Variants in PACS1 observed in about 807,000 individuals in gnomAD.
The protein encoded by PACS1 is phosphofurin acidic cluster sorting protein 1, also known as PACS-1.
Under a neutral mutation model 115.0 loss-of-function variants are expected in PACS1, and 24 were observed. The ratio of observed to expected loss-of-function variants is 0.21; its 90% CI spans 0.15 to 0.29. PACS1 has a LOEUF of 0.29. PACS1 is among the 10% of genes least tolerant of loss of function. PACS1 has a pLI of 1.00. For synonymous variants in PACS1, 453 were observed against 504.5 expected (o/e 0.90, Z 1.37); for missense variants, 838 against 1,251.2 (o/e 0.67, Z 4.98).
At chr11:66,232,010 C>T (rs1855606516) in intron 13 of PACS1, 162 bp from the exon 14 acceptor site, 13 of 584,290 alleles carry the variant, frequency 2.2e-5, no homozygotes, top group Non-Finnish European at 3.7e-5. Flanking sequence ...TCCTTTCCAT[C>T]GTGGTCTGGC....
At chr11:66,077,573 G>A (rs1360619453) in intron 1 of PACS1, among the ~76,000 whole-genome samples, 1 of 152,136 alleles carries the variant, frequency 6.6e-6, no homozygotes, top group Non-Finnish European at 1.5e-5. Context: ...ACAAAAATGG[G>A]TGAATAGAGA....
Position 66,230,843 on chromosome 11 carries a change from G to C in PACS1, c.1529G>C (p.Ser510Thr). The C allele has an allele frequency of 6.2e-7, 1 of 1,614,206 alleles. No homozygotes were observed. The highest frequency in any genetic ancestry group is 8.5e-7 in the Non-Finnish European group (1 of 1,180,024). The change falls in exon 13 of 24, where the codon AGC becomes ACC. Residue 510 changes from serine (S) to threonine (T), a missense_variant. Around this residue, in one of 6 missense-constraint regions of PACS1, gnomAD observed 383 missense variants for 537.0 expected, o/e 0.71. Transcript: ENST00000320580. ...GTGCACACACCCCGGCAGAAGAGGA[G>C]CACGCCCCTGAAGGAGCGGCAGCTC... is the stretch of plus-strand genomic sequence containing the variant. ...EGVHTPRQKR[S>T]TPLKERQLSK...
chr11:66,194,491 G>A (rs1419630118), intron 2 of PACS1, among the ~76,000 whole-genome samples: 1 of 152,186 alleles, frequency 6.6e-6, no homozygotes, highest in Non-Finnish European at 1.5e-5. Flanking sequence ...AAGGGCTCAG[G>A]AATTTACCTG....
At chr11:66,164,978 A>C in intron 1 of PACS1, among the ~76,000 whole-genome samples, 1 of 152,064 alleles carries the variant, frequency 6.6e-6, no homozygotes. Context: ...CAGTGTGGAG[A>C]CCAAGCTGCA....
At chr11:66,199,709 G>A (rs1024201528) in intron 2 of PACS1, among the ~76,000 whole-genome samples, 1 of 152,114 alleles carries the variant, frequency 6.6e-6, no homozygotes, top group Non-Finnish European at 1.5e-5. Flanking sequence ...AAGACGTGGA[G>A]TAGTTGAATG....
rs74725692 is a variant in PACS1 at position 66,173,046 on chromosome 11, C to G, written c.357-20440C>G. Among the ~76,000 whole-genome samples the G allele has an allele frequency of 8.2e-3, 1,203 of 147,130 alleles. 86 individuals are homozygous for G. In the East Asian group the frequency reaches 0.17, roughly 21 times the overall value. On this transcript the variant is annotated intron_variant, in intron 1 of 23. Transcript: ENST00000320580. Reference sequence around the variant, plus strand: ...ATTAATATACATTAGTGAGAGTATTCTGGTAGTAAACTCTGTTTTTATCTT... The same window carrying G: ...ATTAATATACATTAGTGAGAGTATTGTGGTAGTAAACTCTGTTTTTATCTT...
intron 2 of PACS1, among the ~76,000 whole-genome samples, chr11:66,198,252 A>T (rs1327879899): frequency 6.6e-6 from 1 of 152,224 alleles, no homozygotes; most frequent in Non-Finnish European, 1.5e-5. Flanking sequence ...TGACTTAGCA[A>T]TTCTACTCCT....
chr11:66,132,426 A>G (rs185108775), intron 1 of PACS1, among the ~76,000 whole-genome samples: 1 of 152,310 alleles, frequency 6.6e-6, no homozygotes, highest in East Asian at 1.9e-4. Context: ...GTGAAAACGG[A>G]TTAATACAGA....
At chr11:66,187,668 A>G (rs1357974226) in intron 1 of PACS1, among the ~76,000 whole-genome samples, 2 of 152,160 alleles carry the variant, frequency 1.3e-5, no homozygotes, top group African/African-American at 2.4e-5. Flanking sequence ...ATAGTACTCC[A>G]TGGTATGTGC....
rs774678272 is a variant in PACS1 at position 66,220,802 on chromosome 11, C to A, written c.1199+11C>A. ...AAAGCCCAAGCTCAAGTGAGCCCCC[C>A]TCTCTGTAGCTGGCCTCCAGACTCT... On this transcript the variant is annotated intron_variant, in intron 9 of 23. Coordinates refer to ENST00000320580, the MANE Select transcript of PACS1 (RefSeq NM_018026.4). 3 of 1,612,538 alleles carry A rather than the reference C, an allele frequency of 1.9e-6. No homozygotes were observed. Among genetic ancestry groups the A allele is most frequent in the East Asian group, 2.2e-5 (1 of 44,782 alleles).
At chr11:66,214,289 G>A (rs530477085) in intron 4 of PACS1, among the ~76,000 whole-genome samples, 1 of 152,190 alleles carries the variant, frequency 6.6e-6, no homozygotes, top group African/African-American at 2.4e-5. Context: ...TGTGGAGACG[G>A]GGCAGTGAAT....
intron 3 of PACS1, 23 bp from the exon 4 acceptor site, chr11:66,211,111 C>G (rs750651326): frequency 2.9e-5 from 46 of 1,612,004 alleles, no homozygotes; most frequent in Admixed American, 8.3e-5. Context: ...TAACCACGCT[C>G]GACTCTGTTT....
At chr11:66,239,461 A>C (rs538386845) in intron 21 of PACS1, among the ~76,000 whole-genome samples, 184 bp downstream of exon 21, 1 of 152,006 alleles carries the variant, frequency 6.6e-6, no homozygotes, top group South Asian at 2.1e-4. Flanking sequence ...TTGAGGCTGC[A>C]GTGAGCCATG....
chr11:66,124,604 A>T (rs1858528283), intron 1 of PACS1, among the ~76,000 whole-genome samples: 1 of 152,182 alleles, frequency 6.6e-6, no homozygotes. Flanking sequence ...TTGCATTTTA[A>T]TGACAAGAAC....
At chr11:66,164,199 G>A (rs1333765277) in intron 1 of PACS1, among the ~76,000 whole-genome samples, 15 of 152,094 alleles carry the variant, frequency 9.9e-5, no homozygotes. Context: ...TAGTCTCTGG[G>A]TATTACTGTG....
At chr11:66,203,790 T>C (rs1854871573) in intron 2 of PACS1, among the ~76,000 whole-genome samples, 1 of 152,194 alleles carries the variant, frequency 6.6e-6, no homozygotes, top group African/African-American at 2.4e-5. Context: ...CTGGGAAAAC[T>C]GGATATCTAT....
intron 1 of PACS1, among the ~76,000 whole-genome samples, chr11:66,175,478 T>A (rs1341076867): frequency 6.6e-6 from 1 of 152,230 alleles, no homozygotes; most frequent in East Asian, 1.9e-4. Flanking sequence ...GTTCTGTCTA[T>A]TTCCTTGGAG....
At chr11:66,238,616 T>C in intron 19 of PACS1, 188 bp from the exon 20 acceptor site, 1 of 596,666 alleles carries the variant, frequency 1.7e-6, no homozygotes, top group Non-Finnish European at 2.9e-6. Context: ...TTCTCCTATC[T>C]CAGCCTCCCA....
chr11:66,152,715 C>T (rs1400153805), intron 1 of PACS1, among the ~76,000 whole-genome samples: 2 of 152,184 alleles, frequency 1.3e-5, no homozygotes, highest in African/African-American at 2.4e-5. Flanking sequence ...CAGCACATTA[C>T]GTCTCTGAAC....
Sources: gnomAD v4.1 joint callset for allele counts (sites outside exome capture counted in the v4.1 genomes callset) on GRCh38, gnomAD v4.1.1 for gene constraint, gnomAD v4.1.1 regional missense constraint, MANE v1.5 for transcripts, NCBI Gene and HGNC (gene_info 2026-07-23, HGNC 2026-07-21) for gene names.